The following PAK3 variants were observed in gnomAD, a reference collection of about 807,000 sequenced individuals.
PAK3 encodes the protein p21 (RAC1) activated kinase 3.
A neutral mutation model predicts 41.0 loss-of-function variants in PAK3; 4 were observed. That is an observed-to-expected ratio of 0.10 (90% CI 0.05 to 0.22). The LOEUF (loss-of-function observed/expected upper bound fraction) is 0.22, where lower values mean the gene tolerates loss of function less well. Among genes scored for constraint, PAK3 ranks in the 10% least tolerant of loss-of-function variants. The pLI, the probability that PAK3 is intolerant of heterozygous loss-of-function variation, is 1.00. For missense variants in PAK3, 205 were observed against 409.9 expected (o/e 0.50, Z 4.32); for synonymous variants, 146 against 139.6 (o/e 1.05, Z -0.32).
intron 16 of PAK3, among the ~76,000 whole-genome samples, chrX:111,201,068 C>A (rs1467251988): frequency 8.9e-6 from 1 of 111,742 alleles, no homozygotes; most frequent in African/African-American, 3.3e-5. Flanking sequence ...AACAAAAAGA[C>A]CTGTGAGAAA....
At chrX:111,142,342 T>C in intron 6 of PAK3, 146 bp downstream of exon 6, 1 of 522,078 alleles carries the variant, frequency 1.9e-6, no homozygotes, top group Non-Finnish European at 3.5e-6. Context: ...TAGGCAATCA[T>C]AGATGGAAAT....
intron 1 of PAK3, among the ~76,000 whole-genome samples, chrX:111,004,502 C>T (rs980457959): frequency 3.6e-5 from 4 of 112,208 alleles, no homozygotes; most frequent in African/African-American, 9.7e-5. Flanking sequence ...AGAGAATATT[C>T]GTCATTTGTT....
rs2091203509 is a variant in PAK3, at chrX:110,971,329, A to T, written c.-28+26701A>T. Among the ~76,000 whole-genome samples the T allele has an allele frequency of 3.6e-5, 4 of 112,439 alleles. No individual in the cohort carries two copies. In the South Asian group the frequency reaches 1.5e-3, roughly 42 times the overall value. On this transcript the variant is annotated intron_variant, in intron 1 of 14. Coordinates refer to the PAK3 transcript ENST00000425146. ...TATTCAGGACATTTCATATAAATGC[A>T]GTAATACAATATGTGGCCTTTTGTG...
At chrX:111,188,509 G>C (rs1284470980) in intron 11 of PAK3, among the ~76,000 whole-genome samples, 1 of 111,563 alleles carries the variant, frequency 9.0e-6, no homozygotes, top group Non-Finnish European at 1.9e-5. Flanking sequence ...CACTTCCCTA[G>C]GGGGGGAGAA....
At chrX:111,086,962 T>A (rs1436322203) in intron 1 of PAK3, among the ~76,000 whole-genome samples, 2 of 111,197 alleles carry the variant, frequency 1.8e-5, no homozygotes, top group Non-Finnish European at 3.8e-5. Flanking sequence ...GCACTTAGAG[T>A]GGCGCTTTAA....
intron 1 of PAK3, among the ~76,000 whole-genome samples, chrX:110,987,469 C>G (rs2091563916): frequency 9.0e-6 from 1 of 111,404 alleles, no homozygotes; most frequent in South Asian, 3.8e-4. Flanking sequence ...AGAAAGCCAG[C>G]CCAATTGCAG....
At chrX:111,157,076 T>C (rs2094115705) in intron 8 of PAK3, among the ~76,000 whole-genome samples, 1 of 111,840 alleles carries the variant, frequency 8.9e-6, no homozygotes, top group Admixed American at 9.5e-5. Context: ...GGTTAATTTT[T>C]TTTAAACATA....
At chrX:111,170,380 C>T (rs953160573) in intron 10 of PAK3, among the ~76,000 whole-genome samples, 1 of 109,904 alleles carries the variant, frequency 9.1e-6, no homozygotes, top group African/African-American at 3.3e-5. Flanking sequence ...AAACCAACAA[C>T]TTGATGAGTA....
At chrX:111,203,425 T>C (rs1272404581) in intron 16 of PAK3, among the ~76,000 whole-genome samples, 1 of 111,613 alleles carries the variant, frequency 9.0e-6, no homozygotes, top group Non-Finnish European at 1.9e-5. Context: ...ATCATTAAAA[T>C]GGGCTAGCTG....
At chrX:110,961,325 G>A (rs890621135) in intron 1 of PAK3, among the ~76,000 whole-genome samples, 1 of 111,726 alleles carries the variant, frequency 9.0e-6, no homozygotes, top group African/African-American at 3.3e-5. Context: ...ACAAAGTGAC[G>A]TTAGTAAGCT....
At position 110,986,015 on chromosome X, in the gene PAK3, T is replaced by C. The variant is rs1260864909; in HGVS notation, c.-28+41387T>C. Reference sequence around the variant, plus strand: ...AGGTAGAAAAGAGCCATGTACTACATTGGTAAGCTGCAGTGAGTGTAGGTC... The same window carrying C: ...AGGTAGAAAAGAGCCATGTACTACACTGGTAAGCTGCAGTGAGTGTAGGTC... On this transcript the variant is annotated intron_variant, in intron 1 of 14. Transcript: ENST00000425146. Among the ~76,000 whole-genome samples, 6 of 111,904 alleles carry C rather than the reference T, an allele frequency of 5.4e-5. No homozygotes were observed. In the East Asian group the frequency reaches 1.1e-3, roughly 21 times the overall value.
At chrX:111,064,927 T>C (rs2092689052) in intron 1 of PAK3, among the ~76,000 whole-genome samples, 1 of 112,747 alleles carries the variant, frequency 8.9e-6, no homozygotes. Context: ...GTATAAGTGT[T>C]CCCTTTAAAG....
At chrX:111,068,642 C>G (rs2092719225) in intron 1 of PAK3, among the ~76,000 whole-genome samples, 1 of 112,327 alleles carries the variant, frequency 8.9e-6, no homozygotes, top group Admixed American at 9.4e-5. Context: ...AAACTAACAC[C>G]TGGACTTGAT....
At chrX:111,165,993 A>T in intron 10 of PAK3, among the ~76,000 whole-genome samples, 1 of 110,201 alleles carries the variant, frequency 9.1e-6, no homozygotes, top group African/African-American at 3.3e-5. Context: ...TCTCTACTGG[A>T]CTTCATGCTT....
chrX:111,113,854 C>A (rs1053284260), intron 4 of PAK3, among the ~76,000 whole-genome samples: 1 of 111,094 alleles, frequency 9.0e-6, no homozygotes, highest in Admixed American at 9.6e-5. Flanking sequence ...CAGTTCCAAC[C>A]TATGAGTGAG....
At chrX:111,172,060 T>C (rs986158166) in intron 10 of PAK3, among the ~76,000 whole-genome samples, 9 of 111,876 alleles carry the variant, frequency 8.0e-5, no homozygotes, top group Non-Finnish European at 1.3e-4. Flanking sequence ...AATAGATATT[T>C]GTCCAGCAGA....
In PAK3 at chrX:111,123,227, A is replaced by G. The variant is rs2093604576; in HGVS notation, c.124A>G (p.Lys42Glu). 1.7e-6 allele frequency: 2 copies of G among 1,207,584 alleles called. No homozygotes were observed. Among genetic ancestry groups the G allele is most frequent in the African/African-American group, 1.7e-5 (1 of 57,276 alleles). ...SKPLPMAPEE[K>E]NKKARLRSIF... The stretch of plus-strand genomic sequence containing the variant: ...ACCACTTCCCATGGCCCCTGAAGAG[A>G]AGAATAAGAAAGCCAGGCTTCGCTC... Residue 42 changes from lysine (K) to glutamate (E), a missense_variant, in exon 5 of 18, where the codon AAG becomes GAG. Lys to Glu is a moderately conservative substitution (Grantham distance 56). Transcript: ENST00000372007.
intron 1 of PAK3, among the ~76,000 whole-genome samples, chrX:110,971,370 T>G (rs1280425465): frequency 2.7e-5 from 3 of 112,348 alleles, no homozygotes; most frequent in African/African-American, 9.7e-5. Context: ...CTTCTTTCAC[T>G]TAGCATAATG....
intron 6 of PAK3, 46 bp from the exon 7 acceptor site, chrX:111,147,691 T>C (rs752752754): frequency 1.1e-6 from 1 of 939,106 alleles, no homozygotes. Flanking sequence ...AAAATGCTGC[T>C]GCAGAATGTT....
Sources: allele counts gnomAD v4.1 joint callset (sites outside exome capture counted in the v4.1 genomes callset), GRCh38; gene constraint gnomAD v4.1.1; transcripts MANE v1.5; gene names NCBI Gene and HGNC (gene_info 2026-07-23, HGNC 2026-07-21).